Variants in CPPED1 observed in about 807,000 individuals in gnomAD.
CPPED1 encodes the protein serine/threonine-protein phosphatase CPPED1.
Under a neutral mutation model 28.0 loss-of-function variants are expected in CPPED1, and 28 were observed. That is an observed-to-expected ratio of 1.00 (90% CI 0.74 to 1.37). The LOEUF (loss-of-function observed/expected upper bound fraction) is 1.37, where lower values mean the gene tolerates loss of function less well. CPPED1 is among the 40% of genes most tolerant of loss of function. The pLI is 0.00. For synonymous variants in CPPED1, 198 were observed against 180.2 expected (o/e 1.10, Z -0.79); for missense variants, 504 against 416.5 (o/e 1.21, Z -1.83).
chr16:12,768,197 T>C (rs2080450420), intron 2 of CPPED1, among the ~76,000 whole-genome samples: 1 of 152,228 alleles, frequency 6.6e-6, no homozygotes. Flanking sequence ...TTTGTCTTCC[T>C]ATATGAACTT....
intron 2 of CPPED1, among the ~76,000 whole-genome samples, chr16:12,778,892 G>C (rs2080513489): frequency 6.6e-6 from 1 of 152,172 alleles, no homozygotes; most frequent in Non-Finnish European, 1.5e-5. Context: ...TGCTTGAGTT[G>C]CACTGCATGT....
rs149909631 is a variant in CPPED1, at chr16:12,692,344, G to C, written c.715+12280C>G. Among the ~76,000 whole-genome samples the C allele has an allele frequency of 5.0e-3, 756 of 152,206 alleles. 18 individuals are homozygous for C. Among genetic ancestry groups the C allele is most frequent in the Non-Finnish European group, 1.9e-3 (126 of 68,026 alleles). ...CCCACTCTGGCAACACTCGGCAGTG[G>C]GTCAGGGGTACCAATTCAAGGGATA... On this transcript the variant is annotated intron_variant, in intron 3 of 3. Coordinates refer to ENST00000381774, the MANE Select transcript of CPPED1 (RefSeq NM_018340.3).
At chr16:12,704,092 T>C (rs989365519) in intron 3 of CPPED1, among the ~76,000 whole-genome samples, 1 of 152,226 alleles carries the variant, frequency 6.6e-6, no homozygotes, top group Non-Finnish European at 1.5e-5. Context: ...CAGGATTTCC[T>C]GAGTCACAGC....
intron 3 of CPPED1, among the ~76,000 whole-genome samples, chr16:12,676,449 C>T (rs1014289293): frequency 6.6e-6 from 1 of 152,212 alleles, no homozygotes; most frequent in Non-Finnish European, 1.5e-5. Context: ...TCATCTCACT[C>T]AAGCCTAATG....
chr16:12,797,404 C>T (rs1272791287), intron 1 of CPPED1, among the ~76,000 whole-genome samples: 1 of 152,062 alleles, frequency 6.6e-6, no homozygotes, highest in East Asian at 1.9e-4. Flanking sequence ...TAAAAATCAG[C>T]CAGGCGTGGT....
chr16:12,792,947 T>G (rs2080605649), intron 1 of CPPED1, among the ~76,000 whole-genome samples: 1 of 152,074 alleles, frequency 6.6e-6, no homozygotes, highest in South Asian at 2.1e-4. Context: ...CCCTCCTCTT[T>G]CTGGTATACG....
intron 2 of CPPED1, chr16:12,759,224 G>C (rs2080393194): frequency 1.4e-5 from 2 of 140,406 alleles, no homozygotes; most frequent in African/African-American, 2.6e-5. Flanking sequence ...ATTTAAAGCA[G>C]AAGCAGTCCG....
chr16:12,717,579 T>C (rs1001882013), intron 2 of CPPED1, among the ~76,000 whole-genome samples: 1 of 151,666 alleles, frequency 6.6e-6, no homozygotes, highest in Non-Finnish European at 1.5e-5. Flanking sequence ...CATTTTTTAG[T>C]GTAACTATAT....
At chr16:12,764,970 T>C (rs1181592944) in intron 2 of CPPED1, among the ~76,000 whole-genome samples, 3 of 152,212 alleles carry the variant, frequency 2.0e-5, no homozygotes, top group African/African-American at 7.2e-5. Flanking sequence ...TCATGAGCAG[T>C]GACTGGTGGA....
chr16:12,783,165 T>C (rs2080542482), intron 1 of CPPED1, among the ~76,000 whole-genome samples: 1 of 151,870 alleles, frequency 6.6e-6, no homozygotes, highest in Non-Finnish European at 1.5e-5. Context: ...AATCAGAGAG[T>C]ATTAATGACT....
At chr16:12,735,824 C>T (rs1370662763) in intron 2 of CPPED1, among the ~76,000 whole-genome samples, 1 of 152,170 alleles carries the variant, frequency 6.6e-6, no homozygotes, top group East Asian at 1.9e-4. Flanking sequence ...CTCTCTCTGT[C>T]CAGACATTAT....
intron 2 of CPPED1, among the ~76,000 whole-genome samples, chr16:12,734,692 G>A (rs2080218040): frequency 6.6e-6 from 1 of 152,108 alleles, no homozygotes; most frequent in Admixed American, 6.6e-5. Context: ...TTCCCCAAAG[G>A]TATTTAAATG....
At chr16:12,755,001 C>T (rs987081904) in intron 2 of CPPED1, among the ~76,000 whole-genome samples, 4 of 152,086 alleles carry the variant, frequency 2.6e-5, no homozygotes, top group Non-Finnish European at 4.4e-5. Flanking sequence ...ACAGAGAGAT[C>T]TGTTGTACAA....
At chr16:12,683,999 G>A (rs2079919706) in intron 3 of CPPED1, among the ~76,000 whole-genome samples, 1 of 152,172 alleles carries the variant, frequency 6.6e-6, no homozygotes, top group South Asian at 2.1e-4. Context: ...CTGGGTCCAA[G>A]TTCCAAGGCG....
chr16:12,721,356 C>T (rs2080139008), intron 2 of CPPED1, among the ~76,000 whole-genome samples: 1 of 152,194 alleles, frequency 6.6e-6, no homozygotes, highest in African/African-American at 2.4e-5. Flanking sequence ...GGTTATAAAA[C>T]AGACAGAACG....
chr16:12,713,202 T>C (rs1332348583), intron 2 of CPPED1, among the ~76,000 whole-genome samples: 2 of 151,894 alleles, frequency 1.3e-5, no homozygotes, highest in African/African-American at 4.8e-5. Flanking sequence ...AATAATTACA[T>C]TTTCAAAAAG....
chr16:12,684,782 T>G (rs1337033888), intron 3 of CPPED1, among the ~76,000 whole-genome samples: 1 of 152,116 alleles, frequency 6.6e-6, no homozygotes, highest in Non-Finnish European at 1.5e-5. Context: ...ATCCCCAGGA[T>G]GAATAGCAGA....
chr16:12,735,061 A>T (rs1453341849), intron 2 of CPPED1, among the ~76,000 whole-genome samples: 1 of 152,124 alleles, frequency 6.6e-6, no homozygotes, highest in Non-Finnish European at 1.5e-5. Flanking sequence ...TACTATCTGG[A>T]GGGTCACCAG....
rs181084041 is a variant in CPPED1 at position 12,731,072 on chromosome 16, C to T, written c.290-26023G>A. On this transcript the variant is annotated intron_variant, in intron 2 of 3. Coordinates refer to ENST00000381774, the MANE Select transcript of CPPED1 (RefSeq NM_018340.3). ...ACAAAGGTCCCAGCACTTTGGAAGG[C>T]CAAGGTGGGAGGATCACTTGAGCCC... Among the ~76,000 whole-genome samples the T allele has an allele frequency of 2.6e-5, 4 of 152,108 alleles. No homozygotes were observed. The East Asian group carries it at 7.7e-4, about 29-fold the overall frequency.
Sources: gnomAD v4.1 joint callset for allele counts (sites outside exome capture counted in the v4.1 genomes callset) on GRCh38, gnomAD v4.1.1 for gene constraint, MANE v1.5 for transcripts, NCBI Gene and HGNC (gene_info 2026-07-23, HGNC 2026-07-21) for gene names.